The following NSUN3 variants were observed in gnomAD, a reference collection of about 807,000 sequenced individuals.
The protein encoded by NSUN3 is tRNA (cytosine(34)-C(5))-methyltransferase, mitochondrial.
Under a neutral mutation model 36.8 loss-of-function variants are expected in NSUN3, and 24 were observed. The ratio of observed to expected loss-of-function variants is 0.65; its 90% confidence interval spans 0.47 to 0.92. The LOEUF is 0.92. Ranked by LOEUF, NSUN3 falls within the 40% of genes least tolerant of loss-of-function variation. The probability of loss-of-function intolerance (pLI) is 0.00; values close to 1 mark genes in which losing one functional copy is unlikely to be tolerated. For synonymous variants in NSUN3, 146 were observed against 145.2 expected, an observed-to-expected ratio of 1.01 and a Z score of -0.04; for missense variants, 381 against 392.8, an observed-to-expected ratio of 0.97 and a Z score of 0.25.
Position 94,064,505 on chromosome 3 carries a change from A to G in NSUN3, c.81A>G (p.Lys27=). Residue 27 remains lysine, a synonymous_variant, in exon 2 of 6, where the codon AAA becomes AAG. Coordinates refer to ENST00000314622, the MANE Select transcript of NSUN3 (RefSeq NM_022072.5). ...ICKVVLDHFE[K]QYSKELGDAW... is the part of the protein sequence containing the mutation. Reference sequence around the variant, plus strand: ...AAGTTGTGTTGGATCATTTTGAAAAACAGTATTCCAAAGAACTCGGAGATG... The same window carrying G: ...AAGTTGTGTTGGATCATTTTGAAAAGCAGTATTCCAAAGAACTCGGAGATG... The G allele has an allele frequency of 6.2e-7, 1 of 1,613,398 alleles. No individual in the cohort carries two copies. The highest frequency in any genetic ancestry group is 1.3e-5 in the African/African-American group (1 of 75,040).
In NSUN3 at chr3:94,114,164, G is replaced by A. The variant is rs144032002; in HGVS notation, c.744-12047G>A. Among the ~76,000 whole-genome samples the A allele has an allele frequency of 4.3e-3, 656 of 152,314 alleles. 1 individual carries two copies. The highest frequency in any genetic ancestry group is 0.02 in the Middle Eastern group (6 of 294). On this transcript the variant is annotated intron_variant, in intron 5 of 5. Coordinates refer to ENST00000314622, the MANE Select transcript of NSUN3 (RefSeq NM_022072.5). ...GGTATTTGAGACAATTGGGATGTTAGAATGAATGCATGTGGTGTCCTGTGT... is the reference window on the plus strand; with the variant it reads ...GGTATTTGAGACAATTGGGATGTTAAAATGAATGCATGTGGTGTCCTGTGT...
intron 5 of NSUN3, among the ~76,000 whole-genome samples, chr3:94,114,583 ATTCT>A (rs1358355348): frequency 6.6e-6 from 1 of 152,042 alleles, no homozygotes; most frequent in Non-Finnish European, 1.5e-5. Context: ...ATTCAGGAAG[ATTCT>A]TTCTATTTTG....
At chr3:94,107,999 A>G (rs1315653328) in intron 5 of NSUN3, among the ~76,000 whole-genome samples, 1 of 146,954 alleles carries the variant, frequency 6.8e-6, no homozygotes, top group Non-Finnish European at 1.5e-5. Context: ...TTTCAGATAA[A>G]GCCTCTGGCC....
chr3:94,094,995 CAG>C, intron 4 of NSUN3, 36 bp from the exon 5 acceptor site: 1 of 1,605,990 alleles, frequency 6.2e-7, no homozygotes, highest in Non-Finnish European at 8.5e-7. Flanking sequence ...AATAGATTGT[CAG>C]TGCATATTTG....
intron 2 of NSUN3, among the ~76,000 whole-genome samples, chr3:94,070,183 C>G (rs1291107733): frequency 1.3e-5 from 2 of 152,118 alleles, no homozygotes; most frequent in Non-Finnish European, 2.9e-5. Flanking sequence ...TGGCTCACAC[C>G]TGTAATTCCA....
At chr3:94,106,434 A>T (rs760127716) in intron 5 of NSUN3, among the ~76,000 whole-genome samples, 14 of 152,150 alleles carry the variant, frequency 9.2e-5, no homozygotes, top group African/African-American at 1.4e-4. Context: ...GATATCTAGA[A>T]ATTTGATTAC....
intron 5 of NSUN3, among the ~76,000 whole-genome samples, chr3:94,107,091 C>T (rs953911175): frequency 3.9e-5 from 6 of 152,022 alleles, no homozygotes; most frequent in Non-Finnish European, 7.4e-5. Flanking sequence ...AATAGGTATA[C>T]ACCAGCTAAT....
intron 5 of NSUN3, among the ~76,000 whole-genome samples, chr3:94,115,192 A>G (rs992482727): frequency 7.9e-5 from 12 of 152,196 alleles, no homozygotes; most frequent in Admixed American, 2.6e-4. Context: ...AGTCTCATAT[A>G]GGCTTTCTGA....
intron 5 of NSUN3, among the ~76,000 whole-genome samples, chr3:94,098,635 C>G (rs977204269): frequency 1.3e-5 from 2 of 152,186 alleles, no homozygotes; most frequent in Admixed American, 6.5e-5. Context: ...ACCTCATTGT[C>G]TCAGGACTCC....
Position 94,075,739 on chromosome 3 carries a change from C to A in NSUN3, c.123-8368C>A, listed in dbSNP as rs545397085. On this transcript the variant is annotated intron_variant, in intron 2 of 5. Coordinates refer to ENST00000314622, the MANE Select transcript of NSUN3 (RefSeq NM_022072.5). ...GGCTTTGCTGAATCAAGCCCCCCCC[C>A]CCAATAATATTTAGAAAACACCCAC... 1.2e-3 allele frequency among the ~76,000 whole-genome samples: 179 copies of A among 152,074 alleles called. 1 individual carries two copies. The highest frequency in any genetic ancestry group is 3.1e-3 in the East Asian group (16 of 5,162).
At chr3:94,090,690 A>G (rs1288972739) in intron 3 of NSUN3, among the ~76,000 whole-genome samples, 1 of 152,230 alleles carries the variant, frequency 6.6e-6, no homozygotes, top group Non-Finnish European at 1.5e-5. Flanking sequence ...AAAAATTTTT[A>G]AATGCATCAA....
At chr3:94,076,443 C>T in intron 2 of NSUN3, 2 of 790,350 alleles carry the variant, frequency 2.5e-6, no homozygotes, top group Non-Finnish European at 2.3e-6. Context: ...TGATCAGCAA[C>T]TGACCCAAAC....
intron 2 of NSUN3, among the ~76,000 whole-genome samples, chr3:94,074,267 T>G (rs1161013872): frequency 6.6e-6 from 1 of 152,172 alleles, no homozygotes; most frequent in Non-Finnish European, 1.5e-5. Flanking sequence ...TTCCTTAGGA[T>G]TGTCTTGGCT....
intron 5 of NSUN3, among the ~76,000 whole-genome samples, chr3:94,120,556 A>G (rs2077457234): frequency 6.6e-6 from 1 of 152,154 alleles, no homozygotes; most frequent in African/African-American, 2.4e-5. Context: ...CACTTAGCAT[A>G]ATGTTCTCAG....
At chr3:94,065,217 AGTTAGT>A (rs2077199635) in intron 2 of NSUN3, among the ~76,000 whole-genome samples, 1 of 152,198 alleles carries the variant, frequency 6.6e-6, no homozygotes, top group African/African-American at 2.4e-5. Context: ...CATGCCGTCT[AGTTAGT>A]GTTAATGGGA....
chr3:94,115,731 TTGAATACAGTGATCTAATTAACAC>T (rs1309347988), intron 5 of NSUN3, among the ~76,000 whole-genome samples: 2 of 152,208 alleles, frequency 1.3e-5, no homozygotes, highest in Non-Finnish European at 2.9e-5. Context: ...CAGAAAACAG[TTGAATACAGTGATCTAATTAACAC>T]TGACCCTCCC....
intron 2 of NSUN3, among the ~76,000 whole-genome samples, chr3:94,068,502 T>C (rs2077213670): frequency 6.6e-6 from 1 of 152,202 alleles, no homozygotes; most frequent in South Asian, 2.1e-4. Context: ...TGTCAGTGTT[T>C]GTGTACTAGG....
rs962812755 is a variant in NSUN3 at position 94,122,562 on chromosome 3, G to A, written c.744-3649G>A. ...ACACTGTACTCAGTTTCTCTCTGTC[G>A]GCTCTGAAACTTAGTACCATACACT... On this transcript the variant is annotated intron_variant, in intron 5 of 5. Transcript: ENST00000314622. Among the ~76,000 whole-genome samples the A allele has an allele frequency of 1.1e-4, 17 of 151,900 alleles. No homozygotes were observed. The East Asian group carries it at 2.3e-3, about 21-fold the overall frequency.
In NSUN3 at chr3:94,069,737, T is replaced by C. The variant is rs567239779; in HGVS notation, c.122+5191T>C. On this transcript the variant is annotated intron_variant, in intron 2 of 5. Coordinates refer to ENST00000314622, the MANE Select transcript of NSUN3 (RefSeq NM_022072.5). ...TTTTAATGCTTTAATTTTGTTAAAA[T>C]AGTAAGTAGTTCAGAGAGCCTTGAA... is the stretch of plus-strand genomic sequence containing the variant. Among the ~76,000 whole-genome samples, 50 of 152,336 alleles carry C rather than the reference T, an allele frequency of 3.3e-4. 1 individual carries two copies. The highest frequency in any genetic ancestry group is 1.2e-3 in the African/African-American group (49 of 41,576).
Sources: allele counts gnomAD v4.1 joint callset (sites outside exome capture counted in the v4.1 genomes callset), GRCh38; gene constraint gnomAD v4.1.1; transcripts MANE v1.5; gene names NCBI Gene and HGNC (gene_info 2026-07-23, HGNC 2026-07-21).